SOX5: variants seen among roughly 807,000 people sequenced by gnomAD.
SOX5 encodes the protein transcription factor SOX-5.
A neutral mutation model predicts 92.0 loss-of-function variants in SOX5; 9 were observed. The ratio of observed to expected loss-of-function variants is 0.10; its 90% CI spans 0.06 to 0.17. The LOEUF (loss-of-function observed/expected upper bound fraction) is 0.17, where lower values mean the gene tolerates loss of function less well. Among genes scored for constraint, SOX5 ranks in the 10% least tolerant of loss-of-function variants. The probability of loss-of-function intolerance (pLI) is 1.00; values close to 1 mark genes in which losing one functional copy is unlikely to be tolerated. For missense variants in SOX5, 642 were observed against 944.5 expected, an observed-to-expected ratio of 0.68 and a Z score of 4.20; for synonymous variants, 344 against 336.3, an observed-to-expected ratio of 1.02 and a Z score of -0.25.
intron 1 of SOX5, among the ~76,000 whole-genome samples, chr12:24,464,281 T>G (rs889866289): frequency 6.6e-6 from 1 of 152,186 alleles, no homozygotes; most frequent in Admixed American, 6.5e-5. Flanking sequence ...AGCTTGTGTT[T>G]GTAGTTTTCT....
rs191071189 is a variant in SOX5, at chr12:23,594,173, C to T, written c.1164+10214G>A. 1.3e-4 allele frequency among the ~76,000 whole-genome samples: 19 copies of T among 151,612 alleles called. No homozygotes were observed. The East Asian group carries it at 1.5e-3, about 12-fold the overall frequency. ...TGTATGTGTTTTCCTATATTGCCAG[C>T]GAAAACCTGCTGATGAAATGAATCT... On this transcript the variant is annotated intron_variant, in intron 9 of 14. Coordinates refer to ENST00000451604, the MANE Select transcript of SOX5 (RefSeq NM_006940.6).
intron 1 of SOX5, among the ~76,000 whole-genome samples, chr12:23,903,399 AC>A (rs780448603): frequency 6.6e-6 from 1 of 152,068 alleles, no homozygotes; most frequent in East Asian, 1.9e-4. Context: ...AGCCTGCAAA[AC>A]TGGGAGACTC....
At chr12:23,622,742 T>C (rs927459405) in intron 8 of SOX5, among the ~76,000 whole-genome samples, 1 of 152,158 alleles carries the variant, frequency 6.6e-6, no homozygotes, top group Non-Finnish European at 1.5e-5. Flanking sequence ...AATACTATGC[T>C]ATACCATCAT....
At chr12:24,360,806 A>G (rs1319501574) in intron 2 of SOX5, among the ~76,000 whole-genome samples, 1 of 152,230 alleles carries the variant, frequency 6.6e-6, no homozygotes, top group African/African-American at 2.4e-5. Flanking sequence ...TTGTTAAATC[A>G]CTAATAATGG....
At chr12:24,029,872 T>C (rs984773155) in intron 4 of SOX5, among the ~76,000 whole-genome samples, 2 of 152,040 alleles carry the variant, frequency 1.3e-5, no homozygotes, top group East Asian at 1.9e-4. Context: ...TGGATAGTTA[T>C]GTGTAATGCA....
intron 11 of SOX5, 86 bp from the exon 12 acceptor site, chr12:23,546,510 T>G: frequency 1.4e-6 from 1 of 730,908 alleles, no homozygotes; most frequent in Non-Finnish European, 2.3e-6. Context: ...TATAATACAT[T>G]AACTCCTGGA....
chr12:24,145,625 T>C (rs996791942), intron 4 of SOX5, among the ~76,000 whole-genome samples: 6 of 152,166 alleles, frequency 3.9e-5, no homozygotes, highest in African/African-American at 1.2e-4. Context: ...TCCTCCCAAG[T>C]AGCTGAGACT....
At chr12:23,583,814 A>T (rs752819263) in intron 9 of SOX5, among the ~76,000 whole-genome samples, 1 of 152,146 alleles carries the variant, frequency 6.6e-6, no homozygotes. Context: ...ACACCACCTG[A>T]TAAGTCCTTA....
chr12:24,302,318 A>T (rs1466336059), intron 2 of SOX5, among the ~76,000 whole-genome samples: 2 of 152,234 alleles, frequency 1.3e-5, no homozygotes, highest in African/African-American at 4.8e-5. Context: ...TGAATTTAAC[A>T]TTGTTATAGG....
intron 1 of SOX5, among the ~76,000 whole-genome samples, chr12:24,476,610 A>G (rs1044378915): frequency 6.6e-6 from 1 of 152,186 alleles, no homozygotes; most frequent in African/African-American, 2.4e-5. Context: ...AAAGAGGCTG[A>G]GACTCCTCCA....
chr12:24,532,982 T>C (rs1315534291), intron 1 of SOX5, among the ~76,000 whole-genome samples: 2 of 152,242 alleles, frequency 1.3e-5, no homozygotes, highest in Non-Finnish European at 2.9e-5. Flanking sequence ...TAAATCCTTT[T>C]ACTGTACCAA....
intron 3 of SOX5, among the ~76,000 whole-genome samples, chr12:24,251,531 G>T (rs1226625460): frequency 6.6e-6 from 1 of 151,316 alleles, no homozygotes; most frequent in Non-Finnish European, 1.5e-5. Context: ...CTTTTGAGGA[G>T]ATATCCTTGT....
intron 1 of SOX5, among the ~76,000 whole-genome samples, chr12:24,381,592 A>G (rs1366458647): frequency 6.6e-6 from 1 of 152,242 alleles, no homozygotes; most frequent in Non-Finnish European, 1.5e-5. Context: ...TATTCAATGA[A>G]TGCCTCCTTA....
Position 24,433,602 on chromosome 12 carries a change from A to C in SOX5, c.-250-64963T>G, listed in dbSNP as rs541385544. Among the ~76,000 whole-genome samples, 10 of 152,362 alleles carry C rather than the reference A, an allele frequency of 6.6e-5. No homozygotes were observed. The South Asian group carries it at 1.9e-3, about 28-fold the overall frequency. On this transcript the variant is annotated intron_variant, in intron 1 of 4. Coordinates refer to the SOX5 transcript ENST00000446891. ...GGGGGAAAAAATCACAGCAGTAGGA[A>C]CTAAAGTCTATTTTGTAACCATAAC... is the stretch of plus-strand genomic sequence containing the variant.
chr12:24,362,717 G>GT (rs1955719208), intron 2 of SOX5, among the ~76,000 whole-genome samples: 1 of 152,108 alleles, frequency 6.6e-6, no homozygotes, highest in Non-Finnish European at 1.5e-5. Context: ...TGGCTGGTCA[G>GT]TTATAGGCGT....
At chr12:23,973,789 G>A (rs1444898667) in intron 4 of SOX5, among the ~76,000 whole-genome samples, 1 of 152,182 alleles carries the variant, frequency 6.6e-6, no homozygotes, top group African/African-American at 2.4e-5. Flanking sequence ...GTCTCTTTCT[G>A]TCAGATCAGC....
chr12:23,997,934 AAAC>A (rs1951191189), intron 4 of SOX5, among the ~76,000 whole-genome samples: 5 of 152,308 alleles, frequency 3.3e-5, no homozygotes, highest in South Asian at 4.1e-4. Context: ...TTAAAAACAG[AAAC>A]AACAACAACT....
intron 4 of SOX5, among the ~76,000 whole-genome samples, chr12:24,076,360 C>G (rs1942594912): frequency 6.6e-6 from 1 of 152,126 alleles, no homozygotes; most frequent in African/African-American, 2.4e-5. Flanking sequence ...TTTACTTACT[C>G]TCTATTATCT....
intron 1 of SOX5, among the ~76,000 whole-genome samples, chr12:24,475,798 A>G (rs1945301110): frequency 6.6e-6 from 1 of 152,110 alleles, no homozygotes; most frequent in Non-Finnish European, 1.5e-5. Context: ...CCTGGGCAAC[A>G]ATGTGAGACT....
Sources: gnomAD v4.1 joint callset for allele counts (sites outside exome capture counted in the v4.1 genomes callset) on GRCh38, gnomAD v4.1.1 for gene constraint, MANE v1.5 for transcripts, NCBI Gene and HGNC (gene_info 2026-07-23, HGNC 2026-07-21) for gene names.